MAMDC2: variants seen among roughly 807,000 people sequenced by gnomAD.
MAMDC2 encodes the protein MAM domain-containing protein 2.
MAMDC2 carries 57 observed loss-of-function variants against 89.8 expected under a neutral mutation model. That is an observed-to-expected ratio of 0.63 (90% CI 0.51 to 0.79). The LOEUF (loss-of-function observed/expected upper bound fraction) is 0.79. Among genes scored for constraint, MAMDC2 ranks in the 30% least tolerant of loss-of-function variants. The pLI, the probability that MAMDC2 is intolerant of heterozygous loss-of-function variation, is 0.00. For synonymous variants in MAMDC2, 313 were observed against 293.4 expected (o/e 1.07, Z -0.68); for missense variants, 800 against 820.6 (o/e 0.97, Z 0.31).
intron 2 of MAMDC2, among the ~76,000 whole-genome samples, chr9:70,048,923 A>G (rs115731070): frequency 0.018 from 2,683 of 152,274 alleles, 89 homozygotes; most frequent in African/African-American, 0.061. Flanking sequence ...CCACTTGAGG[A>G]GCTGAGGCAG....
intron 2 of MAMDC2, among the ~76,000 whole-genome samples, chr9:70,080,659 A>G (rs1461046279): frequency 4.6e-5 from 7 of 152,292 alleles, no homozygotes; most frequent in Admixed American, 3.9e-4. Context: ...TCAGTTTCCT[A>G]GGTTTCCATG....
chr9:70,209,122 T>G (rs930751331), intron 11 of MAMDC2, among the ~76,000 whole-genome samples: 8 of 152,218 alleles, frequency 5.3e-5, no homozygotes, highest in African/African-American at 1.9e-4. Flanking sequence ...CAGGCTTTGG[T>G]ATCAGGATGA....
In MAMDC2 at chr9:70,191,713, T is replaced by A. The variant is rs143824834; in HGVS notation, c.1651+21082T>A. 2.1e-3 allele frequency among the ~76,000 whole-genome samples: 324 copies of A among 152,248 alleles called. 2 individuals are homozygous for A. The highest frequency in any genetic ancestry group is 7.6e-3 in the African/African-American group (317 of 41,558). On this transcript the variant is annotated intron_variant, in intron 11 of 13. Transcript: ENST00000377182. ...TGTTTTGCTAGCCTACTTCTGCTTC[T>A]ACCCTAAACCTAGGATATACCCTCC...
At chr9:70,178,956 G>A (rs2118566046) in intron 11 of MAMDC2, among the ~76,000 whole-genome samples, 1 of 152,244 alleles carries the variant, frequency 6.6e-6, no homozygotes, top group African/African-American at 2.4e-5. Flanking sequence ...AGGCTGGCAT[G>A]TAGAATATTG....
chr9:70,093,598 T>A (rs1827958025), intron 2 of MAMDC2, among the ~76,000 whole-genome samples: 3 of 151,592 alleles, frequency 2.0e-5, no homozygotes, highest in Non-Finnish European at 4.4e-5. Context: ...GCTAATTTTT[T>A]TTTTTTTATT....
At chr9:70,056,934 A>T (rs1827037260) in intron 2 of MAMDC2, among the ~76,000 whole-genome samples, 2 of 152,202 alleles carry the variant, frequency 1.3e-5, no homozygotes, top group Non-Finnish European at 2.9e-5. Flanking sequence ...ATGATCTGTC[A>T]CTGCCTCCCA....
At position 70,148,839 on chromosome 9, in the gene MAMDC2, C is replaced by G. The variant is rs1438337773; in HGVS notation, c.1404+5020C>G. Among the ~76,000 whole-genome samples the G allele has an allele frequency of 2.0e-5, 3 of 149,698 alleles. No homozygotes were observed. The East Asian group carries it at 5.8e-4, about 29-fold the overall frequency. On this transcript the variant is annotated intron_variant, in intron 9 of 13. Coordinates refer to ENST00000377182, the MANE Select transcript of MAMDC2 (RefSeq NM_153267.5). ...GGTCAGGAGATCGAGACCATCCTGGCTAACATGGTGAAACCCCGTGTCTAC... is the reference window on the plus strand; with the variant it reads ...GGTCAGGAGATCGAGACCATCCTGGGTAACATGGTGAAACCCCGTGTCTAC...
At chr9:70,187,286 T>C (rs1327355569) in intron 11 of MAMDC2, among the ~76,000 whole-genome samples, 3 of 152,112 alleles carry the variant, frequency 2.0e-5, no homozygotes, top group Admixed American at 6.5e-5. Flanking sequence ...TTCTTTCTTT[T>C]TGTTCTCAGT....
intron 3 of MAMDC2, among the ~76,000 whole-genome samples, 173 bp from the exon 4 acceptor site, chr9:70,109,547 A>G (rs1828442807): frequency 6.6e-6 from 1 of 152,268 alleles, no homozygotes; most frequent in Non-Finnish European, 1.5e-5. Flanking sequence ...ATACACACAC[A>G]TTCTTCTAGT....
chr9:70,188,734 A>G (rs1465630770), intron 11 of MAMDC2: 2 of 149,306 alleles, frequency 1.3e-5, no homozygotes, highest in South Asian at 2.1e-4. Context: ...ATCTTAGCCA[A>G]AACACTGAGA....
At chr9:70,189,496 T>C (rs1219695546) in intron 11 of MAMDC2, among the ~76,000 whole-genome samples, 2 of 152,176 alleles carry the variant, frequency 1.3e-5, no homozygotes, top group African/African-American at 4.8e-5. Context: ...AAAAATTTTA[T>C]TAATTAAAAA....
chr9:70,101,103 C>T (rs896549627), intron 2 of MAMDC2, among the ~76,000 whole-genome samples: 4 of 151,886 alleles, frequency 2.6e-5, no homozygotes, highest in Non-Finnish European at 2.9e-5. Flanking sequence ...CTGTATAGGC[C>T]CTAGGCTAAT....
intron 2 of MAMDC2, among the ~76,000 whole-genome samples, chr9:70,076,293 C>A (rs968396452): frequency 6.6e-6 from 1 of 151,980 alleles, no homozygotes; most frequent in Non-Finnish European, 1.5e-5. Flanking sequence ...TGGTGGCAGG[C>A]ACCTGTAGTT....
rs1215659698 is a variant in MAMDC2 at position 70,197,007 on chromosome 9, G to A, written c.1652-21330G>A. Among the ~76,000 whole-genome samples, 7 of 152,092 alleles carry A rather than the reference G, an allele frequency of 4.6e-5. No individual in the cohort carries two copies. In the East Asian group the frequency reaches 1.3e-3, roughly 29 times the overall value. On this transcript the variant is annotated intron_variant, in intron 11 of 13. Coordinates refer to ENST00000377182, the MANE Select transcript of MAMDC2 (RefSeq NM_153267.5). ...TTGGAATTTAAAGTCCTGTTAATAA[G>A]AGACAATGCTCCTAGCCATTCTAAA...
At chr9:70,107,867 A>G (rs1449299250) in intron 2 of MAMDC2, among the ~76,000 whole-genome samples, 3 of 152,158 alleles carry the variant, frequency 2.0e-5, no homozygotes, top group African/African-American at 7.2e-5. Context: ...GATGAATGCA[A>G]TGTGCTAAAT....
chr9:70,138,805 T>A lies in MAMDC2; in HGVS notation c.995-1340T>A, dbSNP rs570521582. 1.9e-3 allele frequency among the ~76,000 whole-genome samples: 290 copies of A among 152,242 alleles called. 1 individual carries two copies. The highest frequency in any genetic ancestry group is 6.3e-3 in the Admixed American group (97 of 15,276). ...CTCGGCAAAGTCAAAGCAATAGCAG[T>A]ACCCATGACAGAACTGTGACTCTTT... On this transcript the variant is annotated intron_variant, in intron 7 of 13. Coordinates refer to ENST00000377182, the MANE Select transcript of MAMDC2 (RefSeq NM_153267.5).
chr9:70,103,353 C>T (rs2118229340), intron 2 of MAMDC2, among the ~76,000 whole-genome samples: 1 of 152,132 alleles, frequency 6.6e-6, no homozygotes, highest in East Asian at 1.9e-4. Flanking sequence ...TACACAGCTA[C>T]AGTAAGGAGG....
intron 7 of MAMDC2, among the ~76,000 whole-genome samples, chr9:70,138,278 C>A (rs2118394997): frequency 6.6e-6 from 1 of 152,312 alleles, no homozygotes; most frequent in South Asian, 2.1e-4. Flanking sequence ...TTTGTATGTA[C>A]ATATGATACT....
At chr9:70,192,914 C>T (rs903908062) in intron 11 of MAMDC2, among the ~76,000 whole-genome samples, 1 of 152,028 alleles carries the variant, frequency 6.6e-6, no homozygotes, top group Non-Finnish European at 1.5e-5. Flanking sequence ...TCTGGCTAAA[C>T]CAGCCTAACA....
Sources: gnomAD v4.1 joint callset for allele counts (sites outside exome capture counted in the v4.1 genomes callset) on GRCh38, gnomAD v4.1.1 for gene constraint, MANE v1.5 for transcripts, NCBI Gene and HGNC (gene_info 2026-07-23, HGNC 2026-07-21) for gene names.